The following MSH5 variants were observed in gnomAD, a reference collection of about 807,000 sequenced individuals.
The protein encoded by MSH5 is mutS protein homolog 5.
MSH5 carries 78 observed loss-of-function variants against 107.7 expected under a neutral mutation model. The ratio of observed to expected loss-of-function variants is 0.72; its 90% CI spans 0.60 to 0.87. The LOEUF (loss-of-function observed/expected upper bound fraction) is 0.87. Ranked by LOEUF, MSH5 falls within the 40% of genes least tolerant of loss-of-function variation. The probability of loss-of-function intolerance (pLI) is 0.00; values close to 1 mark genes in which losing one functional copy is unlikely to be tolerated. For synonymous variants in MSH5, 326 were observed against 399.5 expected, an observed-to-expected ratio of 0.82 and a Z score of 2.19; for missense variants, 889 against 1,046.6, an observed-to-expected ratio of 0.85 and a Z score of 2.08.
chr6:31,755,337 C>CATGCATTT (rs1810354230), intron 12 of MSH5, among the ~76,000 whole-genome samples: 2 of 144,924 alleles, frequency 1.4e-5, no homozygotes, highest in African/African-American at 2.5e-5. Flanking sequence ...TTTTTGCTTG[C>CATGCATTT]ATTTATTTAT....
chr6:31,756,183 T>G (rs1474274714), intron 12 of MSH5, among the ~76,000 whole-genome samples: 1 of 152,226 alleles, frequency 6.6e-6, no homozygotes, highest in Non-Finnish European at 1.5e-5. Flanking sequence ...TATTTATTTA[T>G]TTAGTTTGAG....
chr6:31,755,717 A>C (rs947366304), intron 12 of MSH5, among the ~76,000 whole-genome samples: 2 of 152,112 alleles, frequency 1.3e-5, no homozygotes, highest in African/African-American at 4.8e-5. Context: ...GGTGGTCTCA[A>C]ACTCCTGAGC....
intron 12 of MSH5, 170 bp downstream of exon 12, chr6:31,753,799 G>T (rs1248556689): frequency 3.2e-6 from 2 of 630,524 alleles, no homozygotes; most frequent in South Asian, 2.0e-5. Context: ...GGCGATCTTG[G>T]CTCACTGCAA....
Position 31,759,454 on chromosome 6 carries a change from T to C in MSH5, c.1437T>C (p.Arg479=). 6.2e-7 allele frequency: 1 copy of C among 1,612,688 alleles called. No homozygotes were observed. The highest frequency in any genetic ancestry group is 1.1e-5 in the South Asian group (1 of 91,064). ...MFLSEEKLHY[R]SARTKELDAL... The stretch of plus-strand genomic sequence containing the variant: ...TCTCAGAGGAGAAGCTGCACTATCG[T>C]AGTGCCCGAACCAAGGAGCTGGATG... Residue 479 remains arginine (R), a synonymous_variant, in exon 17 of 25, where the codon CGT becomes CGC. Transcript: ENST00000375750. The surrounding 1 kb of genome is among the most constrained non-coding windows in gnomAD (Gnocchi z 4.7).
At chr6:31,751,184 GA>G (rs1253545530) in intron 10 of MSH5, among the ~76,000 whole-genome samples, 1 of 152,084 alleles carries the variant, frequency 6.6e-6, no homozygotes, top group Admixed American at 6.5e-5. Flanking sequence ...TTTTAGTAGA[GA>G]CGGGGTTTCA....
intron 7 of MSH5, 29 bp from the exon 8 acceptor site, chr6:31,744,517 C>T (rs1464929615): frequency 6.8e-6 from 11 of 1,613,314 alleles, no homozygotes; most frequent in Non-Finnish European, 9.3e-6. Context: ...ACTCAGACTG[C>T]TTCCTGCTTT....
chr6:31,750,809 C>T (rs1809883896), intron 10 of MSH5, among the ~76,000 whole-genome samples: 1 of 152,092 alleles, frequency 6.6e-6, no homozygotes, highest in Non-Finnish European at 1.5e-5. Flanking sequence ...AGATACAAAT[C>T]TTCAGGACCT....
intron 12 of MSH5, among the ~76,000 whole-genome samples, chr6:31,755,824 A>G (rs947355638): frequency 1.3e-5 from 2 of 151,810 alleles, no homozygotes; most frequent in Non-Finnish European, 2.9e-5. Flanking sequence ...TTTTTAATCT[A>G]CCGGTTCCTT....
intron 2 of MSH5, 62 bp from the exon 3 acceptor site, chr6:31,741,101 A>T (rs914521796): frequency 6.3e-7 from 1 of 1,576,862 alleles, no homozygotes; most frequent in African/African-American, 1.4e-5. Context: ...TATATAAGAC[A>T]TGGTAAACCC....
rs1810747930 is a variant in MSH5, at chr6:31,759,281, CTG to C, written c.1407+106_1407+107del. 11 of 1,373,396 alleles carry C rather than the reference CTG, an allele frequency of 8.0e-6. No individual in the cohort carries two copies. Among genetic ancestry groups the C allele is most frequent in the Non-Finnish European group, 1.1e-5 (11 of 963,448 alleles). The allele number at this position is 1,373,396 out of a possible 1,614,324, so 85.1% of individuals were successfully genotyped here. On this transcript the variant is annotated intron_variant, in intron 16 of 24. Coordinates refer to ENST00000375750, the MANE Select transcript of MSH5 (RefSeq NM_172166.4). This position sits in a 1 kb window ranked among gnomAD's most constrained non-coding sequence, Gnocchi z 4.7. ...CACTGCCCAATATGGGATCTCTCCT[CTG>C]TAGTTTTACTCTGAGCTTTACCAGC... is the stretch of plus-strand genomic sequence containing the variant.
chr6:31,753,174 A>G (rs1329608914), intron 10 of MSH5, 127 bp from the exon 11 acceptor site: 3 of 1,210,274 alleles, frequency 2.5e-6, no homozygotes, highest in Middle Eastern at 2.0e-4. Flanking sequence ...TTGCCACTAC[A>G]TTCCCATAGC....
At chr6:31,756,110 T>A (rs985478512) in intron 12 of MSH5, among the ~76,000 whole-genome samples, 1 of 152,146 alleles carries the variant, frequency 6.6e-6, no homozygotes. Flanking sequence ...TCCGATTGTC[T>A]CTCTTTTTCT....
chr6:31,759,705 C>G lies in MSH5; in HGVS notation c.1496-81C>G. 1 of 1,494,826 alleles carries G rather than the reference C, an allele frequency of 6.7e-7. No homozygotes were observed. The highest frequency in any genetic ancestry group is 9.1e-7 in the Non-Finnish European group (1 of 1,094,682). The allele number at this position is 1,494,826 out of a possible 1,614,324, so 92.6% of individuals were successfully genotyped here. ...CTCAGATTGTATCTGCAACCTGTTT[C>G]CAGATCCCCCTAGGGGCCTCTGCCT... On this transcript the variant is annotated intron_variant, in intron 17 of 24. Transcript: ENST00000375750. The surrounding 1 kb of genome is among the most constrained non-coding windows in gnomAD (Gnocchi z 4.7).
At chr6:31,747,351 T>G in intron 9 of MSH5, 36 bp from the exon 10 acceptor site, 1 of 1,610,802 alleles carries the variant, frequency 6.2e-7, no homozygotes, top group South Asian at 1.1e-5. Context: ...TGTCCCTGCC[T>G]TGTAACAAGT....
At position 31,760,444 on chromosome 6, in the gene MSH5, C is replaced by CT. The variant is rs1269028478; in HGVS notation, c.1812+229dup. Among the ~76,000 whole-genome samples, 1 of 152,258 alleles carries CT rather than the reference C, an allele frequency of 6.6e-6. No homozygotes were observed. The highest frequency in any genetic ancestry group is 1.5e-5 in the Non-Finnish European group (1 of 68,046). ...GTGGCCCAAATTCCTTCACCTGCCT[C>CT]TGAGTAGGTACACACCACTCCCAAG... On this transcript the variant is annotated intron_variant, in intron 19 of 24. Coordinates refer to ENST00000375750, the MANE Select transcript of MSH5 (RefSeq NM_172166.4). The surrounding 1 kb of genome is among the most constrained non-coding windows in gnomAD (Gnocchi z 5.6).
chr6:31,754,942 CAG>C (rs915719369), intron 12 of MSH5, among the ~76,000 whole-genome samples: 1 of 151,514 alleles, frequency 6.6e-6, no homozygotes, highest in African/African-American at 2.4e-5. Flanking sequence ...TTAGTAGAGA[CAG>C]GGTTTCACCA....
Position 31,761,611 on chromosome 6 carries a change from A to G in MSH5, c.2177A>G (p.Tyr726Cys). ...QLLPQGPLVQ[Y>C]LTMETCEDGN... Reference sequence around the variant, plus strand: ...CTGCCACAAGGGCCCCTGGTGCAGTATTTGGTGAGGAGACCAATCTAGCTC... The same window carrying G: ...CTGCCACAAGGGCCCCTGGTGCAGTGTTTGGTGAGGAGACCAATCTAGCTC... The change falls in exon 22 of 25, where the codon TAT becomes TGT. Residue 726 changes from tyrosine to cysteine, a missense_variant. Tyr to Cys is a radical substitution (Grantham distance 194). Coordinates refer to ENST00000375750, the MANE Select transcript of MSH5 (RefSeq NM_172166.4). This position sits in a 1 kb window ranked among gnomAD's most constrained non-coding sequence, Gnocchi z 5.3. The G allele has an allele frequency of 1.2e-6, 2 of 1,614,104 alleles. No homozygotes were observed. Among genetic ancestry groups the G allele is most frequent in the Non-Finnish European group, 1.7e-6 (2 of 1,180,026 alleles).
chr6:31,741,932 C>A (rs1293954408), intron 3 of MSH5, among the ~76,000 whole-genome samples: 1 of 151,942 alleles, frequency 6.6e-6, no homozygotes, highest in Non-Finnish European at 1.5e-5. Flanking sequence ...GAGGGAGATG[C>A]CAGGCTCTTT....
Position 31,761,982 on chromosome 6 carries a change from C to T in MSH5, c.2319+27C>T, listed in dbSNP as rs772995806. 1 of 1,613,614 alleles carries T rather than the reference C, an allele frequency of 6.2e-7. No homozygotes were observed. The highest frequency in any genetic ancestry group is 8.5e-7 in the Non-Finnish European group (1 of 1,179,724). The stretch of plus-strand genomic sequence containing the variant: ...TGATGAGATCCAAATGTGCAACCAC[C>T]TCCACATCAGAGCTCCCTTTCATTC... On this transcript the variant is annotated intron_variant, in intron 23 of 24. Transcript: ENST00000375750. The surrounding 1 kb of genome is among the most constrained non-coding windows in gnomAD (Gnocchi z 5.3).
Sources: gnomAD v4.1 joint callset for allele counts (sites outside exome capture counted in the v4.1 genomes callset) on GRCh38, gnomAD v4.1.1 for gene constraint, Gnocchi (gnomAD v3.1) non-coding constraint, MANE v1.5 for transcripts, NCBI Gene and HGNC (gene_info 2026-07-23, HGNC 2026-07-21) for gene names.